IKZF2: variants seen among roughly 807,000 people sequenced by gnomAD.
IKZF2 encodes zinc finger protein Helios.
IKZF2 carries 15 observed loss-of-function variants against 49.2 expected under a neutral mutation model. The ratio of observed to expected loss-of-function variants is 0.30; its 90% CI spans 0.20 to 0.47. The LOEUF (loss-of-function observed/expected upper bound fraction) is 0.47. Among genes scored for constraint, IKZF2 ranks in the 20% least tolerant of loss-of-function variants. The pLI is 1.00. For synonymous variants in IKZF2, 227 were observed against 221.4 expected, an observed-to-expected ratio of 1.03 and a Z score of -0.23; for missense variants, 567 against 664.6, an observed-to-expected ratio of 0.85 and a Z score of 1.61.
intron 4 of IKZF2, among the ~76,000 whole-genome samples, chr2:213,126,922 C>T (rs146883699): frequency 2.0e-4 from 31 of 152,226 alleles, no homozygotes; most frequent in African/African-American, 7.5e-4. Flanking sequence ...ACCAAAAAAC[C>T]ATCAATCTTT....
intron 6 of IKZF2, among the ~76,000 whole-genome samples, chr2:213,043,999 G>A (rs1276432374): frequency 6.6e-6 from 1 of 152,152 alleles, no homozygotes; most frequent in African/African-American, 2.4e-5. Flanking sequence ...CTCTGCTCCC[G>A]CAAAAGCTAA....
At chr2:213,091,602 C>G (rs758061297) in intron 4 of IKZF2, among the ~76,000 whole-genome samples, 1 of 151,882 alleles carries the variant, frequency 6.6e-6, no homozygotes, top group Non-Finnish European at 1.5e-5. Context: ...AGAAATCATC[C>G]GTCTGAAGAA....
At chr2:213,061,809 A>G (rs1701722921) in intron 4 of IKZF2, among the ~76,000 whole-genome samples, 1 of 151,640 alleles carries the variant, frequency 6.6e-6, no homozygotes, top group Non-Finnish European at 1.5e-5. Flanking sequence ...AAAAATGGCC[A>G]TAAAAGAGTT....
At chr2:213,100,264 T>A (rs1384768284) in intron 4 of IKZF2, among the ~76,000 whole-genome samples, 1 of 152,042 alleles carries the variant, frequency 6.6e-6, no homozygotes, top group African/African-American at 2.4e-5. Flanking sequence ...TTTTAAGCAT[T>A]TACTCAACTT....
chr2:213,069,968 G>A (rs1702530668), intron 4 of IKZF2, among the ~76,000 whole-genome samples: 1 of 151,982 alleles, frequency 6.6e-6, no homozygotes, highest in Admixed American at 6.6e-5. Context: ...TAGTGGCAAG[G>A]TAGCCTGCCT....
At chr2:213,122,107 G>A (rs77398084) in intron 4 of IKZF2, among the ~76,000 whole-genome samples, 2,134 of 152,270 alleles carry the variant, frequency 0.014, 61 homozygotes, top group African/African-American at 0.049. Context: ...GAGAGACAGA[G>A]AGAGAGGGCA....
chr2:213,113,216 G>T (rs1259901454), intron 4 of IKZF2, among the ~76,000 whole-genome samples: 1 of 152,120 alleles, frequency 6.6e-6, no homozygotes, highest in Admixed American at 6.5e-5. Context: ...ACTTTATATG[G>T]ATGTCCCTTG....
intron 4 of IKZF2, among the ~76,000 whole-genome samples, chr2:213,064,714 G>A (rs554568933): frequency 7.2e-6 from 1 of 139,638 alleles, no homozygotes; most frequent in East Asian, 2.1e-4. Context: ...AAGTCCTAAA[G>A]GTTCAATATC....
intron 4 of IKZF2, among the ~76,000 whole-genome samples, chr2:213,072,399 A>C (rs1702807762): frequency 6.6e-6 from 1 of 151,920 alleles, no homozygotes; most frequent in Admixed American, 6.6e-5. Flanking sequence ...TATATTGAGT[A>C]AAACTTGCTG....
intron 4 of IKZF2, among the ~76,000 whole-genome samples, chr2:213,104,296 C>A (rs187412127): frequency 1.3e-5 from 2 of 151,178 alleles, no homozygotes; most frequent in Admixed American, 1.3e-4. Context: ...AAAGTTACAA[C>A]TCAAATTCTG....
At position 213,020,932 on chromosome 2, in the gene IKZF2, G is replaced by T. The variant is rs149280086; in HGVS notation, c.712+1061C>A. ...TTTTTAAATAAAAGATATACAAGTG[G>T]CCAGGTGCAATGGTTCACACCTGTA... On this transcript the variant is annotated intron_variant, in intron 7 of 8. Coordinates refer to ENST00000434687, the MANE Select transcript of IKZF2 (RefSeq NM_001387220.1). Among the ~76,000 whole-genome samples the T allele has an allele frequency of 7.8e-3, 1,182 of 152,250 alleles. 9 individuals are homozygous for T. Among genetic ancestry groups the T allele is most frequent in the Non-Finnish European group, 0.013 (895 of 68,010 alleles).
intron 4 of IKZF2, among the ~76,000 whole-genome samples, chr2:213,146,800 T>C (rs908523926): frequency 6.8e-6 from 1 of 147,104 alleles, no homozygotes; most frequent in Non-Finnish European, 1.5e-5. Flanking sequence ...CTTCACATAT[T>C]GCCAAAACAG....
chr2:213,070,702 G>A (rs1050755760), intron 4 of IKZF2, among the ~76,000 whole-genome samples: 1 of 152,138 alleles, frequency 6.6e-6, no homozygotes, highest in African/African-American at 2.4e-5. Flanking sequence ...CTCAGACAAG[G>A]ACAGTACAGA....
rs1703217203 is a variant in IKZF2 at position 213,075,956 on chromosome 2, T to C, written c.140-18857A>G. Among the ~76,000 whole-genome samples the C allele has an allele frequency of 2.0e-5, 3 of 152,084 alleles. No individual in the cohort carries two copies. The South Asian group carries it at 6.2e-4, about 32-fold the overall frequency. On this transcript the variant is annotated intron_variant, in intron 4 of 8. Transcript: ENST00000434687. ...ACCACCACACTCTACCAAATTTAGG[T>C]TAATGGCACATAGCAAAGAGCAGAG...
chr2:213,079,372 GA>G (rs1441745516), intron 4 of IKZF2, among the ~76,000 whole-genome samples: 1 of 137,690 alleles, frequency 7.3e-6, no homozygotes, highest in African/African-American at 2.7e-5. Context: ...CAATAGAAAA[GA>G]AAAAAGAAGG....
intron 6 of IKZF2, among the ~76,000 whole-genome samples, chr2:213,032,373 G>A (rs1698534287): frequency 6.6e-6 from 1 of 152,144 alleles, no homozygotes; most frequent in African/African-American, 2.4e-5. Flanking sequence ...AATCTATTAA[G>A]TGTGCAACAG....
chr2:213,035,748 T>A (rs10932460), intron 6 of IKZF2, among the ~76,000 whole-genome samples: 58,493 of 151,982 alleles, frequency 0.38, 13,798 homozygotes, highest in East Asian at 0.77. Context: ...GAACCACCAA[T>A]GGCCATGATT....
intron 4 of IKZF2, among the ~76,000 whole-genome samples, chr2:213,117,855 A>G (rs1417734996): frequency 1.3e-5 from 2 of 152,212 alleles, no homozygotes; most frequent in East Asian, 1.9e-4. Context: ...GTTTCTTTCA[A>G]TGGAATTTAA....
At chr2:213,025,012 C>G (rs1697666786) in intron 6 of IKZF2, among the ~76,000 whole-genome samples, 1 of 151,970 alleles carries the variant, frequency 6.6e-6, no homozygotes, top group Non-Finnish European at 1.5e-5. Context: ...TTGTTACCAA[C>G]TGAAGCGGAC....
Sources: allele counts gnomAD v4.1 joint callset (sites outside exome capture counted in the v4.1 genomes callset), GRCh38; gene constraint gnomAD v4.1.1; transcripts MANE v1.5; gene names NCBI Gene and HGNC (gene_info 2026-07-23, HGNC 2026-07-21).